Variants in ZMYND11 observed in about 807,000 individuals in gnomAD.
The protein encoded by ZMYND11 is zinc finger MYND domain-containing protein 11.
Under a neutral mutation model 84.9 loss-of-function variants are expected in ZMYND11, and 9 were observed. The ratio of observed to expected loss-of-function variants is 0.11; its 90% CI spans 0.06 to 0.18. The LOEUF is 0.18. Among genes scored for constraint, ZMYND11 ranks in the 10% least tolerant of loss-of-function variants. The pLI, the probability that ZMYND11 is intolerant of heterozygous loss-of-function variation, is 1.00. For synonymous variants in ZMYND11, 250 were observed against 244.1 expected (o/e 1.02, Z -0.23); for missense variants, 409 against 761.0 (o/e 0.54, Z 5.44).
intron 4 of ZMYND11, among the ~76,000 whole-genome samples, chr10:221,615 CTAATT>C (rs990180122): frequency 8.5e-5 from 13 of 152,172 alleles, no homozygotes; most frequent in Admixed American, 7.9e-4. Flanking sequence ...GCTTATGTGA[CTAATT>C]TAATGGATGG....
At chr10:149,581 T>C (rs1323710597) in intron 1 of ZMYND11, among the ~76,000 whole-genome samples, 1 of 152,114 alleles carries the variant, frequency 6.6e-6, no homozygotes, top group South Asian at 2.1e-4. Flanking sequence ...AAATGTATTA[T>C]TATTTTTTAA....
At chr10:220,485 G>A (rs1946960416) in intron 3 of ZMYND11, among the ~76,000 whole-genome samples, 1 of 152,196 alleles carries the variant, frequency 6.6e-6, no homozygotes, top group South Asian at 2.1e-4. Context: ...AAGAATGCCT[G>A]TGTACCTACA....
At chr10:247,045 T>A in intron 11 of ZMYND11, 72 bp downstream of exon 11, 1 of 1,394,960 alleles carries the variant, frequency 7.2e-7, no homozygotes, top group Non-Finnish European at 9.9e-7. Flanking sequence ...TGCACACTCC[T>A]CACTGTAATG....
intron 4 of ZMYND11, 47 bp downstream of exon 4, chr10:221,403 A>G: frequency 6.4e-7 from 1 of 1,574,450 alleles, no homozygotes; most frequent in Non-Finnish European, 8.6e-7. Context: ...GTTGGAATTA[A>G]TTCATAATAG....
Position 236,783 on chromosome 10 carries a change from T to G in ZMYND11, c.439-55T>G, listed in dbSNP as rs141830264. 3,846 of 1,440,940 alleles carry G rather than the reference T, an allele frequency of 2.7e-3. 10 individuals carry two copies. The highest frequency in any genetic ancestry group is 3.1e-3 in the Non-Finnish European group (3,193 of 1,036,744). 89.3% of individuals were successfully genotyped at this position (1,440,940 alleles called of 1,614,324 possible). ...TTCATATATGTCTTTTACATGAATA[T>G]AGACATAAGAATGATCAGATTTTGT... On this transcript the variant is annotated intron_variant, in intron 4 of 14. Transcript: ENST00000381604.
chr10:252,669 T>C lies in ZMYND11; in HGVS notation c.*199T>C. ...AGTTTTTCAGGGGGTAAAAGTAACA[T>C]CAGTGGAGGGTATTATTTTAAATAA... On this transcript the variant is annotated 3_prime_UTR_variant, in exon 15 of 15. Transcript: ENST00000381604. The surrounding 1 kb of genome is among the most constrained non-coding windows in gnomAD (Gnocchi z 4.6). The C allele has an allele frequency of 2.0e-6, 1 of 504,858 alleles. No homozygotes were observed. Among genetic ancestry groups the C allele is most frequent in the Non-Finnish European group, 3.4e-6 (1 of 296,524 alleles). 31.3% of individuals were successfully genotyped at this position (504,858 alleles called of 1,614,324 possible). A position where few individuals can be genotyped will look rare whatever the true frequency, so the allele number is the denominator to read the frequency against.
At chr10:226,834 G>C (rs1241297333) in intron 4 of ZMYND11, among the ~76,000 whole-genome samples, 1 of 151,852 alleles carries the variant, frequency 6.6e-6, no homozygotes, top group East Asian at 1.9e-4. Flanking sequence ...AACAAACTTT[G>C]GTGTACATCC....
chr10:172,260 A>G (rs552416515), intron 1 of ZMYND11, among the ~76,000 whole-genome samples: 1 of 152,348 alleles, frequency 6.6e-6, no homozygotes, highest in East Asian at 1.9e-4. Flanking sequence ...CTAATGCAAT[A>G]AGATAATAAA....
At chr10:251,457 A>C (rs1342577769) in intron 14 of ZMYND11, among the ~76,000 whole-genome samples, 1 of 152,188 alleles carries the variant, frequency 6.6e-6, no homozygotes, top group Non-Finnish European at 1.5e-5. Context: ...TTAGGTATCA[A>C]ATGTAGGCTA....
chr10:185,396 A>G (rs1418238554), intron 2 of ZMYND11, among the ~76,000 whole-genome samples: 3 of 149,178 alleles, frequency 2.0e-5, no homozygotes, highest in African/African-American at 7.4e-5. Context: ...TTTATTTGGT[A>G]TTCTTCCAGT....
intron 4 of ZMYND11, among the ~76,000 whole-genome samples, chr10:223,948 G>GT (rs532353163): frequency 0.014 from 2,130 of 149,854 alleles, 41 homozygotes; most frequent in South Asian, 0.023. Flanking sequence ...TTTCTACTCT[G>GT]TTTTTTTTTC....
At chr10:159,687 CA>C (rs2131463852) in intron 1 of ZMYND11, among the ~76,000 whole-genome samples, 2 of 152,178 alleles carry the variant, frequency 1.3e-5, no homozygotes, top group South Asian at 4.1e-4. Flanking sequence ...TTTGCCTATT[CA>C]ATTTGTCACT....
At chr10:150,954 CAG>C (rs1441556821) in intron 1 of ZMYND11, among the ~76,000 whole-genome samples, 2 of 152,304 alleles carry the variant, frequency 1.3e-5, no homozygotes, top group South Asian at 2.1e-4. Context: ...CCCAGGCAAA[CAG>C]GGTCTGGAGT....
At chr10:181,468 A>G (rs1847873307) in intron 2 of ZMYND11, among the ~76,000 whole-genome samples, 1 of 152,196 alleles carries the variant, frequency 6.6e-6, no homozygotes, top group Non-Finnish European at 1.5e-5. Flanking sequence ...AAGATACAAA[A>G]ATTAGCCTGG....
intron 2 of ZMYND11, among the ~76,000 whole-genome samples, chr10:198,699 A>G (rs1228985870): frequency 6.6e-6 from 1 of 152,206 alleles, no homozygotes; most frequent in Non-Finnish European, 1.5e-5. Flanking sequence ...AACTGAAAAG[A>G]AGGATTATTA....
chr10:140,596 T>A (rs923985530), intron 1 of ZMYND11, among the ~76,000 whole-genome samples: 2 of 152,234 alleles, frequency 1.3e-5, no homozygotes, highest in Admixed American at 1.3e-4. Flanking sequence ...TAATTAGATA[T>A]TTAATCTTTC....
At chr10:230,428 G>A (rs1281523361) in intron 4 of ZMYND11, among the ~76,000 whole-genome samples, 2 of 133,504 alleles carry the variant, frequency 1.5e-5, no homozygotes, top group African/African-American at 2.9e-5. Context: ...AGTTGAGATC[G>A]CACCACTGCA....
intron 4 of ZMYND11, among the ~76,000 whole-genome samples, chr10:230,496 A>C (rs1180036095): frequency 1.3e-5 from 2 of 150,084 alleles, no homozygotes; most frequent in African/African-American, 4.9e-5. Context: ...AAAAAAAAAA[A>C]AAAAACTACA....
intron 2 of ZMYND11, among the ~76,000 whole-genome samples, chr10:203,326 C>A (rs1005444334): frequency 6.6e-6 from 1 of 151,372 alleles, no homozygotes; most frequent in Non-Finnish European, 1.5e-5. Flanking sequence ...CCAGGAAATA[C>A]TATATAAAAT....
Sources: gnomAD v4.1 joint callset for allele counts (sites outside exome capture counted in the v4.1 genomes callset) on GRCh38, gnomAD v4.1.1 for gene constraint, Gnocchi (gnomAD v3.1) non-coding constraint, MANE v1.5 for transcripts, NCBI Gene and HGNC (gene_info 2026-07-23, HGNC 2026-07-21) for gene names.